Variants in KIAA1328 observed in about 807,000 individuals in gnomAD.
The protein encoded by KIAA1328 is protein hinderin.
Under a neutral mutation model 68.1 loss-of-function variants are expected in KIAA1328, and 52 were observed. The ratio of observed to expected loss-of-function variants is 0.76; its 90% confidence interval spans 0.61 to 0.96. The LOEUF (loss-of-function observed/expected upper bound fraction) is 0.96. Ranked by LOEUF, KIAA1328 falls within the 40% of genes least tolerant of loss-of-function variation. The probability of loss-of-function intolerance (pLI) is 0.00; values close to 1 mark genes in which losing one functional copy is unlikely to be tolerated. For missense variants in KIAA1328, 641 were observed against 677.6 expected (o/e 0.95, Z 0.60); for synonymous variants, 232 against 239.4 (o/e 0.97, Z 0.28).
intron 4 of KIAA1328, among the ~76,000 whole-genome samples, chr18:36,853,179 G>C (rs1235938033): frequency 1.3e-5 from 2 of 151,982 alleles, no homozygotes; most frequent in Admixed American, 6.6e-5. Flanking sequence ...TGTGTCTTTT[G>C]ATTTAAAGTG....
intron 6 of KIAA1328, among the ~76,000 whole-genome samples, chr18:37,028,143 G>A (rs181613849): frequency 3.3e-5 from 5 of 152,296 alleles, no homozygotes; most frequent in East Asian, 1.9e-4. Context: ...CTACTTGTAC[G>A]TGAGAACATG....
chr18:36,832,868 G>C (rs1181955951), intron 1 of KIAA1328: 1 of 145,860 alleles, frequency 6.9e-6, no homozygotes, highest in Admixed American at 6.9e-5. Context: ...TCAGAGTCTC[G>C]GTCTGTTGCC....
intron 7 of KIAA1328, among the ~76,000 whole-genome samples, chr18:37,157,058 GA>G (rs1391351873): frequency 6.6e-6 from 1 of 151,970 alleles, no homozygotes; most frequent in Non-Finnish European, 1.5e-5. Flanking sequence ...AACATTTCAA[GA>G]AAAAATGTTT....
chr18:37,057,756 T>C (rs183525690), intron 6 of KIAA1328, among the ~76,000 whole-genome samples: 148 of 152,270 alleles, frequency 9.7e-4, no homozygotes, highest in Admixed American at 2.7e-3. Flanking sequence ...TAAATTTCAC[T>C]GCCTATAAAT....
intron 6 of KIAA1328, among the ~76,000 whole-genome samples, chr18:37,002,147 T>C (rs948745620): frequency 1.2e-4 from 18 of 151,534 alleles, no homozygotes; most frequent in African/African-American, 4.1e-4. Context: ...AGCTGATAAA[T>C]GGAGACAGTA....
At chr18:37,189,182 A>G (rs1336362576) in intron 9 of KIAA1328, among the ~76,000 whole-genome samples, 2 of 152,232 alleles carry the variant, frequency 1.3e-5, no homozygotes, top group Admixed American at 1.3e-4. Flanking sequence ...ACAGATTATC[A>G]TAGATTTCTT....
At chr18:36,948,738 G>A (rs1223444839) in intron 5 of KIAA1328, among the ~76,000 whole-genome samples, 1 of 151,944 alleles carries the variant, frequency 6.6e-6, no homozygotes, top group Non-Finnish European at 1.5e-5. Flanking sequence ...TAGTAGAGAC[G>A]GGGTTTCTCC....
chr18:37,181,892 AAGGGAACAC>A (rs2059705677), intron 9 of KIAA1328, among the ~76,000 whole-genome samples: 1 of 152,222 alleles, frequency 6.6e-6, no homozygotes, highest in African/African-American at 2.4e-5. Context: ...AAAGAAGACA[AAGGGAACAC>A]ATTTATAGGG....
intron 7 of KIAA1328, among the ~76,000 whole-genome samples, chr18:37,120,565 G>A (rs991519637): frequency 6.6e-6 from 1 of 152,132 alleles, no homozygotes; most frequent in Non-Finnish European, 1.5e-5. Flanking sequence ...GCTGGATGGT[G>A]TAAGAAATGA....
At chr18:36,923,287 T>G (rs1274574005) in intron 5 of KIAA1328, among the ~76,000 whole-genome samples, 2 of 151,958 alleles carry the variant, frequency 1.3e-5, no homozygotes, top group African/African-American at 4.8e-5. Flanking sequence ...AACCAGAAGT[T>G]TACAGGATTA....
intron 5 of KIAA1328, among the ~76,000 whole-genome samples, chr18:36,957,600 G>C (rs552461915): frequency 2.0e-5 from 3 of 152,078 alleles, no homozygotes; most frequent in Admixed American, 1.3e-4. Flanking sequence ...AAACAAGTAG[G>C]GAGGTATGTG....
At chr18:36,938,336 A>G (rs1425864093) in intron 5 of KIAA1328, among the ~76,000 whole-genome samples, 2 of 152,006 alleles carry the variant, frequency 1.3e-5, no homozygotes, top group African/African-American at 4.8e-5. Context: ...TTTAATTTGC[A>G]TTTCCCTGAT....
At chr18:36,922,060 C>CT (rs879414277) in intron 5 of KIAA1328, among the ~76,000 whole-genome samples, 460 of 145,856 alleles carry the variant, frequency 3.2e-3, no homozygotes, top group Middle Eastern at 7.1e-3. Context: ...CCAGAGAATA[C>CT]TTTTTTTTTT....
intron 5 of KIAA1328, among the ~76,000 whole-genome samples, chr18:36,919,944 T>G (rs1353531151): frequency 6.6e-6 from 1 of 152,184 alleles, no homozygotes; most frequent in East Asian, 1.9e-4. Context: ...TTTAACTTCT[T>G]AAGTTCCTTA....
In KIAA1328 at chr18:36,981,613, A is replaced by T. The variant is rs549971384; in HGVS notation, c.576+22178A>T. On this transcript the variant is annotated intron_variant, in intron 6 of 9. Coordinates refer to ENST00000280020, the MANE Select transcript of KIAA1328 (RefSeq NM_020776.3). ...CTCTTTCTTTGTTTTTTGAGATGGG[A>T]TCTTGCTCAGTCACCCAGGCTGAAG... is the stretch of plus-strand genomic sequence containing the variant. Among the ~76,000 whole-genome samples the T allele has an allele frequency of 3.6e-4, 55 of 152,138 alleles. 1 individual carries two copies. In the South Asian group the frequency reaches 0.011, roughly 31 times the overall value.
chr18:37,077,340 A>G (rs943027559), intron 7 of KIAA1328, among the ~76,000 whole-genome samples: 2 of 142,370 alleles, frequency 1.4e-5, no homozygotes, highest in Non-Finnish European at 3.0e-5. Flanking sequence ...TCTCAAAATA[A>G]TAAGAGCTAT....
chr18:36,883,615 A>T (rs1432112270), intron 4 of KIAA1328, among the ~76,000 whole-genome samples: 1 of 152,286 alleles, frequency 6.6e-6, no homozygotes, highest in Middle Eastern at 3.4e-3. Flanking sequence ...CATCATACCC[A>T]TAGGGTAATG....
At chr18:37,006,313 G>C (rs2053780947) in intron 6 of KIAA1328, among the ~76,000 whole-genome samples, 2 of 151,818 alleles carry the variant, frequency 1.3e-5, no homozygotes, top group African/African-American at 4.8e-5. Flanking sequence ...AAGAAAAGTA[G>C]ATTTGTCTGA....
chr18:36,888,020 A>G (rs2048558211), intron 5 of KIAA1328, among the ~76,000 whole-genome samples: 1 of 152,242 alleles, frequency 6.6e-6, no homozygotes, highest in South Asian at 2.1e-4. Context: ...TGTTATATTT[A>G]GCACTCTCTG....
Sources: gnomAD v4.1 joint callset for allele counts (sites outside exome capture counted in the v4.1 genomes callset) on GRCh38, gnomAD v4.1.1 for gene constraint, MANE v1.5 for transcripts, NCBI Gene and HGNC (gene_info 2026-07-23, HGNC 2026-07-21) for gene names.